SCN7A: variants seen among roughly 807,000 people sequenced by gnomAD.
The protein encoded by SCN7A is sodium voltage-gated channel alpha subunit 7.
A neutral mutation model predicts 155.2 loss-of-function variants in SCN7A; 138 were observed. The observed-to-expected ratio is 0.89, with a 90% confidence interval of 0.77 to 1.02. The LOEUF is 1.02. Ranked by LOEUF, SCN7A falls within the 50% of genes least tolerant of loss-of-function variation. The pLI, the probability that SCN7A is intolerant of heterozygous loss-of-function variation, is 0.00. For missense variants in SCN7A, 2,058 were observed against 1,986.6 expected, an observed-to-expected ratio of 1.04 and a Z score of -0.68; for synonymous variants, 693 against 649.0, an observed-to-expected ratio of 1.07 and a Z score of -1.03.
At chr2:166,486,645 A>C (rs138987497) in intron 2 of SCN7A, among the ~76,000 whole-genome samples, 35 of 152,336 alleles carry the variant, frequency 2.3e-4, no homozygotes, top group African/African-American at 8.2e-4. Flanking sequence ...CAATCCAGAC[A>C]GACTATTTCA....
In SCN7A at chr2:166,406,307, T is replaced by G; in HGVS notation, c.4322A>C (p.Asp1441Ala). Reference sequence around the variant, plus strand: ...AGACCATTTACTGTTGAAAATTGCATCAAGCATCCCATCCCAACCAGCAAA... The same window carrying G: ...AGACCATTTACTGTTGAAAATTGCAGCAAGCATCCCATCCCAACCAGCAAA... The part of the protein sequence containing the change: ...AIFAGWDGML[D>A]AIFNSKWSDC... The change falls in exon 26 of 26, where the codon GAT becomes GCT. Residue 1441 changes from aspartate (D) to alanine (A), a missense_variant. Coordinates refer to ENST00000643258, the MANE Select transcript of SCN7A (RefSeq NM_002976.4). 6.2e-7 allele frequency: 1 copy of G among 1,613,158 alleles called. No individual in the cohort carries two copies. The highest frequency in any genetic ancestry group is 1.7e-4 in the Middle Eastern group (1 of 6,058).
At chr2:166,463,836 G>A (rs1293282021) in intron 9 of SCN7A, among the ~76,000 whole-genome samples, 2 of 151,956 alleles carry the variant, frequency 1.3e-5, no homozygotes, top group Non-Finnish European at 2.9e-5. Context: ...TGGGTGGATC[G>A]CTTAAGCCCA....
intron 21 of SCN7A, among the ~76,000 whole-genome samples, chr2:166,414,219 T>TA (rs1701292833): frequency 1.0e-5 from 1 of 99,492 alleles, no homozygotes; most frequent in Non-Finnish European, 1.9e-5. Context: ...TGTAAATATA[T>TA]ATAAATATAT....
intron 11 of SCN7A, among the ~76,000 whole-genome samples, chr2:166,449,638 C>T (rs1195394916): frequency 6.6e-6 from 1 of 151,850 alleles, no homozygotes; most frequent in Admixed American, 6.6e-5. Flanking sequence ...GGGTAAAGTA[C>T]CTGAACAGAC....
chr2:166,490,539 A>G (rs1393048267), intron 1 of SCN7A, among the ~76,000 whole-genome samples: 2 of 152,200 alleles, frequency 1.3e-5, no homozygotes, highest in Non-Finnish European at 2.9e-5. Flanking sequence ...AGTATCCATC[A>G]ACATATGAAT....
chr2:166,463,491 G>A (rs1702458184), intron 9 of SCN7A, among the ~76,000 whole-genome samples: 2 of 152,148 alleles, frequency 1.3e-5, no homozygotes, highest in Non-Finnish European at 2.9e-5. Flanking sequence ...GTTGTTTTGG[G>A]ATAGTTTACC....
At chr2:166,411,393 T>C (rs1272274593) in intron 23 of SCN7A, among the ~76,000 whole-genome samples, 5 of 151,958 alleles carry the variant, frequency 3.3e-5, no homozygotes, top group Admixed American at 2.0e-4. Flanking sequence ...TATCAAGCGA[T>C]TGTGTTCAAG....
chr2:166,417,553 A>C (rs1701407151), intron 20 of SCN7A, among the ~76,000 whole-genome samples: 1 of 151,456 alleles, frequency 6.6e-6, no homozygotes, highest in Admixed American at 6.6e-5. Flanking sequence ...CAACAGAGCT[A>C]ATTAGTACAA....
At chr2:166,413,179 T>C in intron 21 of SCN7A, 58 bp from the exon 22 acceptor site, 1 of 1,038,198 alleles carries the variant, frequency 9.6e-7, no homozygotes, top group Non-Finnish European at 1.4e-6. Flanking sequence ...AAGTAAAATC[T>C]CAGTCTCTTA....
intron 15 of SCN7A, among the ~76,000 whole-genome samples, chr2:166,435,008 C>A (rs1308456865): frequency 4.6e-5 from 7 of 151,898 alleles, no homozygotes; most frequent in African/African-American, 1.7e-4. Context: ...GAAATTACAT[C>A]AAAGATTTCT....
At position 166,416,893 on chromosome 2, in the gene SCN7A, T is replaced by C. The variant is rs201292270; in HGVS notation, c.3228A>G (p.Gly1076=). 115 of 1,613,222 alleles carry C rather than the reference T, an allele frequency of 7.1e-5. No homozygotes were observed. In the African/African-American group the frequency reaches 9.1e-4, roughly 13 times the overall value. The change falls in exon 21 of 26, where the codon GGA becomes GGG. Residue 1076 remains glycine, a synonymous_variant. Transcript: ENST00000643258. ...AGAATCTGCCAGCAAATAAGTCTACTCCCATGATACTAAAAATCAGCCAGA... is the reference window on the plus strand; with the variant it reads ...AGAATCTGCCAGCAAATAAGTCTACCCCCATGATACTAAAAATCAGCCAGA... ...LMIWLIFSIM[G]VDLFAGRFYE...
At chr2:166,487,706 T>C (rs1380578745) in intron 1 of SCN7A, among the ~76,000 whole-genome samples, 3 of 152,198 alleles carry the variant, frequency 2.0e-5, no homozygotes, top group Non-Finnish European at 4.4e-5. Flanking sequence ...ATTAAATATA[T>C]ATTCCTAATG....
At chr2:166,493,805 CT>C (rs1281862503) in intron 1 of SCN7A, among the ~76,000 whole-genome samples, 162 bp downstream of exon 1, 1 of 152,214 alleles carries the variant, frequency 6.6e-6, no homozygotes, top group Non-Finnish European at 1.5e-5. Context: ...CTTGAAGTAA[CT>C]CTCCTAATGC....
At chr2:166,475,137 T>TATACAC (rs1553520569) in intron 3 of SCN7A, among the ~76,000 whole-genome samples, 6 of 133,868 alleles carry the variant, frequency 4.5e-5, no homozygotes, top group African/African-American at 1.6e-4. Flanking sequence ...TATATATATA[T>TATACAC]ACACACACAC....
chr2:166,466,892 C>CA (rs1702546280), intron 7 of SCN7A, among the ~76,000 whole-genome samples: 1 of 151,858 alleles, frequency 6.6e-6, no homozygotes, highest in African/African-American at 2.4e-5. Context: ...TGAAAACTGT[C>CA]ATTTGAATGA....
chr2:166,493,596 G>C (rs895448457), intron 1 of SCN7A, among the ~76,000 whole-genome samples: 1 of 152,210 alleles, frequency 6.6e-6, no homozygotes, highest in Non-Finnish European at 1.5e-5. Flanking sequence ...CTTAGAAGAA[G>C]TGTACAACAA....
chr2:166,443,073 T>C (rs1575030814), intron 14 of SCN7A, among the ~76,000 whole-genome samples: 1 of 152,288 alleles, frequency 6.6e-6, no homozygotes, highest in East Asian at 1.9e-4. Context: ...CCCTACCCCA[T>C]AGACATACAC....
At chr2:166,459,251 A>T (rs1346146160) in intron 10 of SCN7A, among the ~76,000 whole-genome samples, 1 of 152,180 alleles carries the variant, frequency 6.6e-6, no homozygotes, top group Non-Finnish European at 1.5e-5. Flanking sequence ...ATGCTAGTGG[A>T]GCATAAAAGC....
chr2:166,414,112 AAT>A (rs1292419726), intron 21 of SCN7A, among the ~76,000 whole-genome samples: 25 of 84,898 alleles, frequency 2.9e-4, no homozygotes, highest in African/African-American at 6.5e-4. Context: ...ATTATATATA[AAT>A]ATATATAATA....
Sources: allele counts gnomAD v4.1 joint callset (sites outside exome capture counted in the v4.1 genomes callset), GRCh38; gene constraint gnomAD v4.1.1; transcripts MANE v1.5; gene names NCBI Gene and HGNC (gene_info 2026-07-23, HGNC 2026-07-21).